CAMTA1: variants seen among roughly 807,000 people sequenced by gnomAD.
CAMTA1 encodes calmodulin binding transcription activator 1, also known as calmodulin-binding transcription activator 1.
A neutral mutation model predicts 170.9 loss-of-function variants in CAMTA1; 27 were observed. The observed-to-expected ratio is 0.16, with a 90% CI of 0.12 to 0.22. The LOEUF (loss-of-function observed/expected upper bound fraction) is 0.22. CAMTA1 is among the 10% of genes least tolerant of loss of function. The pLI, the probability that CAMTA1 is intolerant of heterozygous loss-of-function variation, is 1.00. For missense variants in CAMTA1, 1,619 were observed against 2,217.2 expected (o/e 0.73, Z 5.42); for synonymous variants, 833 against 891.5 (o/e 0.93, Z 1.17).
chr1:7,759,898 G>A (rs1055357622), intron 22 of CAMTA1, among the ~76,000 whole-genome samples: 1 of 152,174 alleles, frequency 6.6e-6, no homozygotes, highest in Non-Finnish European at 1.5e-5. Context: ...ATTTTTCGTG[G>A]ATAGTAGAAA....
chr1:7,639,180 C>T (rs1264284845), intron 6 of CAMTA1, among the ~76,000 whole-genome samples: 1 of 152,030 alleles, frequency 6.6e-6, no homozygotes, highest in Non-Finnish European at 1.5e-5. Context: ...GGGGTTTCAC[C>T]GTGTTAGCCA....
intron 5 of CAMTA1, among the ~76,000 whole-genome samples, chr1:7,438,436 G>A (rs896233176): frequency 1.3e-5 from 2 of 152,168 alleles, no homozygotes; most frequent in African/African-American, 2.4e-5. Flanking sequence ...AGCTGGTCTC[G>A]GTCACTCGGG....
chr1:7,238,334 C>G (rs780730295), intron 4 of CAMTA1, among the ~76,000 whole-genome samples: 1 of 152,220 alleles, frequency 6.6e-6, no homozygotes, highest in Middle Eastern at 3.4e-3. Context: ...TTGACTCTCA[C>G]GCTTACTAGT....
Position 7,664,909 on chromosome 1 carries a change from A to G in CAMTA1, c.2362A>G (p.Ser788Gly), listed in dbSNP as rs1368632497. Reference sequence around the variant, plus strand: ...CTTCATCTCCGTGGAGGGGGGCAGCAGCACCATCTATGGGCACCAGCTGGT... The same window carrying G: ...CTTCATCTCCGTGGAGGGGGGCAGCGGCACCATCTATGGGCACCAGCTGGT... ...NDFISVEGGS[S>G]TIYGHQLVSG... The change falls in exon 9 of 23, where the codon AGC (serine) becomes GGC (glycine). Residue 788 changes from serine to glycine, a missense_variant. By Grantham distance (56) the Ser-to-Gly change is moderately conservative. This residue lies in a region of CAMTA1 where 731 missense variants were observed against 907.6 expected (regional missense o/e 0.81). Transcript: ENST00000303635. The G allele has an allele frequency of 6.2e-7, 1 of 1,613,092 alleles. No individual in the cohort carries two copies. The highest frequency in any genetic ancestry group is 1.7e-5 in the Admixed American group (1 of 60,008).
At chr1:7,400,903 T>C (rs1384480247) in intron 5 of CAMTA1, among the ~76,000 whole-genome samples, 1 of 152,240 alleles carries the variant, frequency 6.6e-6, no homozygotes, top group African/African-American at 2.4e-5. Context: ...ATATTCTAGA[T>C]ACAAGTCATT....
intron 6 of CAMTA1, among the ~76,000 whole-genome samples, chr1:7,492,629 G>A (rs1020003262): frequency 2.3e-4 from 19 of 83,992 alleles, no homozygotes; most frequent in South Asian, 2.0e-3. Context: ...ACATACACGC[G>A]CACACAAACA....
chr1:7,726,820 G>A (rs1005501122), intron 11 of CAMTA1, among the ~76,000 whole-genome samples: 1 of 152,234 alleles, frequency 6.6e-6, no homozygotes, highest in African/African-American at 2.4e-5. Flanking sequence ...GGCAGGAAGT[G>A]GAGCTAGAGC....
intron 7 of CAMTA1, 90 bp from the exon 8 acceptor site, chr1:7,661,636 C>T: frequency 6.9e-7 from 1 of 1,451,608 alleles, no homozygotes; most frequent in Non-Finnish European, 9.5e-7. Flanking sequence ...GGGCTGCCCT[C>T]AGGGAGGGCC....
intron 3 of CAMTA1, among the ~76,000 whole-genome samples, chr1:6,869,507 C>T (rs1667772142): frequency 6.6e-6 from 1 of 152,122 alleles, no homozygotes; most frequent in African/African-American, 2.4e-5. Context: ...TTAGTTACTC[C>T]CTAGGGTTGC....
chr1:7,158,447 G>T (rs896927502), intron 4 of CAMTA1, among the ~76,000 whole-genome samples: 2 of 152,106 alleles, frequency 1.3e-5, no homozygotes, highest in African/African-American at 4.8e-5. Flanking sequence ...ACAGTGAGGC[G>T]CATTTGTCAG....
chr1:7,634,150 G>T lies in CAMTA1; in HGVS notation c.511-6250G>T, dbSNP rs572244768. On this transcript the variant is annotated intron_variant, in intron 6 of 22. Transcript: ENST00000303635. The surrounding 1 kb of genome is among the most constrained non-coding windows in gnomAD (Gnocchi z 6.2). ...TTGAAGGGTGGGTTGGGGAAGGGAG[G>T]AGCAGACGTGAGGACACCCGGGAGG... Among the ~76,000 whole-genome samples, 5 of 152,336 alleles carry T rather than the reference G, an allele frequency of 3.3e-5. No individual in the cohort carries two copies. The East Asian group carries it at 9.7e-4, about 29-fold the overall frequency.
At chr1:7,636,776 G>C (rs1032958376) in intron 6 of CAMTA1, among the ~76,000 whole-genome samples, 1 of 151,976 alleles carries the variant, frequency 6.6e-6, no homozygotes, top group African/African-American at 2.4e-5. Flanking sequence ...GATGTCAGGA[G>C]AACACAGGTC....
chr1:7,436,691 A>G (rs1452810761), intron 5 of CAMTA1, among the ~76,000 whole-genome samples: 1 of 152,122 alleles, frequency 6.6e-6, no homozygotes, highest in Non-Finnish European at 1.5e-5. Flanking sequence ...GGCCTGTGGC[A>G]TCTGAAAGGG....
chr1:6,830,349 T>G (rs1355639282), intron 3 of CAMTA1, among the ~76,000 whole-genome samples: 1 of 147,630 alleles, frequency 6.8e-6, no homozygotes, highest in African/African-American at 2.5e-5. Context: ...TGGCCTTGTT[T>G]TTTTTTTTTT....
intron 6 of CAMTA1, among the ~76,000 whole-genome samples, chr1:7,569,273 TCAC>T (rs1433127407): frequency 1.4e-5 from 2 of 146,416 alleles, no homozygotes; most frequent in South Asian, 2.2e-4. Flanking sequence ...ATCATCATCA[TCAC>T]ATCACCATCA....
chr1:7,091,895 C>T (rs1641512900), intron 4 of CAMTA1, among the ~76,000 whole-genome samples: 1 of 152,236 alleles, frequency 6.6e-6, no homozygotes, highest in African/African-American at 2.4e-5. Context: ...CTTAGCTTCT[C>T]TCACCACTTG....
intron 3 of CAMTA1, among the ~76,000 whole-genome samples, chr1:6,848,363 G>A (rs755286205): frequency 1.3e-5 from 2 of 152,042 alleles, no homozygotes; most frequent in Admixed American, 1.3e-4. Context: ...ACATTTCCCC[G>A]GCCTTGAACT....
rs1225423183 is a variant in CAMTA1, at chr1:7,547,169, C to G, written c.510+79268C>G. On this transcript the variant is annotated intron_variant, in intron 6 of 22. Transcript: ENST00000303635. This position sits in a 1 kb window ranked among gnomAD's most constrained non-coding sequence, Gnocchi z 5.7. ...CAATCATTCTTTGAGCACTTCCTTG[C>G]TTTCTGAACAAGATGTTCCAGGCAT... Among the ~76,000 whole-genome samples, 1 of 152,096 alleles carries G rather than the reference C, an allele frequency of 6.6e-6. No individual in the cohort carries two copies. Among genetic ancestry groups the G allele is most frequent in the Non-Finnish European group, 1.5e-5 (1 of 68,022 alleles).
In CAMTA1 at chr1:7,756,847, CAAACA is replaced by C. The variant is rs200786659; in HGVS notation, c.4989+1203_4989+1207del. Among the ~76,000 whole-genome samples, 64 of 149,204 alleles carry C rather than the reference CAAACA, an allele frequency of 4.3e-4. 1 individual carries two copies. The highest frequency in any genetic ancestry group is 8.7e-4 in the Admixed American group (13 of 14,926). On this transcript the variant is annotated intron_variant, in intron 22 of 22. Coordinates refer to ENST00000303635, the MANE Select transcript of CAMTA1 (RefSeq NM_015215.4). ...TGAGCAACAGAGCGAGACCCTGTCT[CAAACA>C]AAACAAAACAAAACAAAACAAAAAA...
Sources: gnomAD v4.1 joint callset for allele counts (sites outside exome capture counted in the v4.1 genomes callset) on GRCh38, gnomAD v4.1.1 for gene constraint, gnomAD v4.1.1 regional missense constraint, Gnocchi (gnomAD v3.1) non-coding constraint, MANE v1.5 for transcripts, NCBI Gene and HGNC (gene_info 2026-07-23, HGNC 2026-07-21) for gene names.